The following RXRG variants were observed in gnomAD, a reference collection of about 807,000 sequenced individuals.
RXRG encodes the protein retinoic acid receptor RXR-gamma.
RXRG carries 19 observed loss-of-function variants against 49.2 expected under a neutral mutation model. The observed-to-expected ratio is 0.39, with a 90% CI of 0.27 to 0.57. RXRG has a LOEUF of 0.57. RXRG is among the 20% of genes least tolerant of loss of function. The pLI is 0.64. For synonymous variants in RXRG, 224 were observed against 216.6 expected (o/e 1.03, Z -0.30); for missense variants, 452 against 592.5 (o/e 0.76, Z 2.46).
At chr1:165,409,482 C>T in intron 7 of RXRG, 76 bp downstream of exon 7, 1 of 1,244,422 alleles carries the variant, frequency 8.0e-7, no homozygotes, top group Non-Finnish European at 1.0e-6. Context: ...CATGTATGTA[C>T]ACATGTGTAT....
At chr1:165,424,893 T>C (rs1658434901) in intron 2 of RXRG, 1 of 985,542 alleles carries the variant, frequency 1.0e-6, no homozygotes, top group East Asian at 1.1e-4. Context: ...CAAGGCCTTT[T>C]TTCCAGTGTC....
At chr1:165,425,805 CACAG>C (rs1386113074) in intron 2 of RXRG, among the ~76,000 whole-genome samples, 1 of 152,240 alleles carries the variant, frequency 6.6e-6, no homozygotes, top group Non-Finnish European at 1.5e-5. Flanking sequence ...TATGACAGCA[CACAG>C]ACAGCACTGA....
chr1:165,442,632 T>G (rs1659043496), intron 1 of RXRG, among the ~76,000 whole-genome samples: 2 of 152,266 alleles, frequency 1.3e-5, no homozygotes, highest in Admixed American at 6.5e-5. Flanking sequence ...TTATTTATTA[T>G]TTTACAATAA....
At chr1:165,409,430 C>G (rs558751230) in intron 7 of RXRG, 128 bp downstream of exon 7, 687 of 1,166,226 alleles carry the variant, frequency 5.9e-4, no homozygotes, top group Non-Finnish European at 6.9e-4. Context: ...TGCCCATCCT[C>G]CATCCCAGCA....
At chr1:165,424,915 CG>C in intron 2 of RXRG, 2 of 985,534 alleles carry the variant, frequency 2.0e-6, no homozygotes, top group Admixed American at 6.1e-5. Context: ...TCTCGTTAAC[CG>C]AGCAAAGCAT....
At chr1:165,430,984 C>T (rs1658655536) in intron 1 of RXRG, among the ~76,000 whole-genome samples, 2 of 152,124 alleles carry the variant, frequency 1.3e-5, no homozygotes, top group Non-Finnish European at 2.9e-5. Flanking sequence ...TTTTTTATTT[C>T]CTAAAACTGT....
rs537454004 is a variant in RXRG, at chr1:165,406,730, G to T, written c.1244+82C>A. The stretch of plus-strand genomic sequence containing the variant: ...TAACATTTAAAAACACCTAAACAGT[G>T]CCTGCTGCACTTTAGGGGCTCAGTA... On this transcript the variant is annotated intron_variant, in intron 9 of 9. Transcript: ENST00000359842. 28 of 973,306 alleles carry T rather than the reference G, an allele frequency of 2.9e-5. No homozygotes were observed. The South Asian group carries it at 3.3e-4, about 12-fold the overall frequency. 60.3% of individuals were successfully genotyped at this position (973,306 alleles called of 1,614,324 possible).
At chr1:165,437,856 C>A (rs1431198874) in intron 1 of RXRG, among the ~76,000 whole-genome samples, 1 of 152,174 alleles carries the variant, frequency 6.6e-6, no homozygotes, top group Non-Finnish European at 1.5e-5. Flanking sequence ...TCTGTACTAG[C>A]AAGGTCTATA....
At chr1:165,428,697 C>G (rs745916177) in intron 2 of RXRG, 22 bp downstream of exon 2, 1 of 1,566,546 alleles carries the variant, frequency 6.4e-7, no homozygotes, top group African/African-American at 1.3e-5. Context: ...CTGGAAAGGC[C>G]TTGGAGAGGA....
chr1:165,441,039 G>A (rs1271767519), intron 1 of RXRG, among the ~76,000 whole-genome samples: 1 of 152,176 alleles, frequency 6.6e-6, no homozygotes, highest in East Asian at 1.9e-4. Context: ...CTGTGGAGGG[G>A]AAAAATATGT....
chr1:165,410,466 A>C (rs1200514182), intron 6 of RXRG, among the ~76,000 whole-genome samples: 1 of 152,222 alleles, frequency 6.6e-6, no homozygotes, highest in Non-Finnish European at 1.5e-5. Context: ...ATGATTTAAT[A>C]GTCTTTTTAA....
At chr1:165,402,279 C>T (rs190770) in intron 9 of RXRG, among the ~76,000 whole-genome samples, 63,428 of 151,844 alleles carry the variant, frequency 0.42, 13,285 homozygotes, top group African/African-American at 0.47. Context: ...AGAGACAGGT[C>T]TTTGCCATGT....
chr1:165,428,881 G>A lies in RXRG; in HGVS notation c.135C>T (p.Tyr45=). The change falls in exon 2 of 10, where the codon TAC becomes TAT. Residue 45 remains tyrosine (Y), a synonymous_variant. Transcript: ENST00000359842. The part of the protein sequence containing the change: ...TGKPMDSHPS[Y]TDTPVSAPRT... Reference sequence around the variant, plus strand: ...GTGGGGCACTCACTGGGGTATCTGTGTAGCTGGGGTGGCTGTCCATTGGCT... The same window carrying A: ...GTGGGGCACTCACTGGGGTATCTGTATAGCTGGGGTGGCTGTCCATTGGCT... 6.2e-7 allele frequency: 1 copy of A among 1,614,088 alleles called. No individual in the cohort carries two copies. Among genetic ancestry groups the A allele is most frequent in the South Asian group, 1.1e-5 (1 of 91,072 alleles).
chr1:165,441,594 C>T (rs1659005695), intron 1 of RXRG, among the ~76,000 whole-genome samples: 1 of 152,208 alleles, frequency 6.6e-6, no homozygotes, highest in Non-Finnish European at 1.5e-5. Flanking sequence ...ATGAGGATTA[C>T]ATGAGCCGAG....
At chr1:165,421,217 G>A (rs1048596121) in intron 2 of RXRG, among the ~76,000 whole-genome samples, 2 of 152,088 alleles carry the variant, frequency 1.3e-5, no homozygotes, top group Admixed American at 6.5e-5. Context: ...AACACTATGA[G>A]GGATACAAAA....
At chr1:165,409,441 C>G in intron 7 of RXRG, 117 bp downstream of exon 7, 2 of 1,218,860 alleles carry the variant, frequency 1.6e-6, no homozygotes, top group Non-Finnish European at 2.1e-6. Flanking sequence ...CATCCCAGCA[C>G]TACCCAGAGG....
At chr1:165,424,931 G>C in intron 2 of RXRG, 1 of 985,540 alleles carries the variant, frequency 1.0e-6, no homozygotes, top group Non-Finnish European at 1.2e-6. Flanking sequence ...AAGCATTGCT[G>C]CAGTGTGGTT....
chr1:165,424,127 A>G (rs944290837), intron 2 of RXRG, among the ~76,000 whole-genome samples: 3 of 152,218 alleles, frequency 2.0e-5, no homozygotes, highest in African/African-American at 7.2e-5. Flanking sequence ...AAACACACTC[A>G]GAAAAATGTT....
intron 1 of RXRG, among the ~76,000 whole-genome samples, chr1:165,441,652 T>G (rs1659007778): frequency 6.6e-6 from 1 of 152,192 alleles, no homozygotes. Flanking sequence ...TTACAGTGTG[T>G]TTGTTAAATG....
Sources: allele counts gnomAD v4.1 joint callset (sites outside exome capture counted in the v4.1 genomes callset), GRCh38; gene constraint gnomAD v4.1.1; transcripts MANE v1.5; gene names NCBI Gene and HGNC (gene_info 2026-07-23, HGNC 2026-07-21).